LOC400499: variants seen among roughly 807,000 people sequenced by gnomAD.
At chr16:11,374,904 G>A in the LOC400499 span, among the ~76,000 whole-genome samples, 29 of 152,014 alleles carry the variant, frequency 1.9e-4, no homozygotes, top group African/African-American at 5.1e-4. Context: ...GCTGGAATGC[G>A]GTGGTGCGAT....
the LOC400499 span, chr16:11,448,062 G>A: frequency 9.8e-6 from 15 of 1,534,914 alleles, no homozygotes; most frequent in Non-Finnish European, 1.3e-5. Context: ...GCGACACCTG[G>A]GTCTTCCGGG....
At chr16:11,398,271 G>T in the LOC400499 span, 1 of 1,189,644 alleles carries the variant, frequency 8.4e-7, no homozygotes, top group Non-Finnish European at 1.1e-6. Context: ...TGCATTCTGC[G>T]GGCACCACCC....
chr16:11,525,816 T>C, the LOC400499 span, among the ~76,000 whole-genome samples: 3 of 152,192 alleles, frequency 2.0e-5, no homozygotes, highest in African/African-American at 7.2e-5. Context: ...ATTTAAAATA[T>C]TTTTTAAATT....
chr16:11,434,980 A>G, the LOC400499 span, among the ~76,000 whole-genome samples: 1 of 152,124 alleles, frequency 6.6e-6, no homozygotes, highest in Non-Finnish European at 1.5e-5. Context: ...CATGATTATT[A>G]TTATTACTAT....
At chr16:11,460,189 T>TAG in the LOC400499 span, 1 of 778,092 alleles carries the variant, frequency 1.3e-6, no homozygotes, top group Non-Finnish European at 1.8e-6. Flanking sequence ...CACTATTTTT[T>TAG]TTTAATTTAT....
At chr16:11,449,577 G>A in the LOC400499 span, among the ~76,000 whole-genome samples, 1 of 152,180 alleles carries the variant, frequency 6.6e-6, no homozygotes, top group African/African-American at 2.4e-5. Context: ...CCATGGGATG[G>A]TTCCCTGTTG....
chr16:11,413,046 A>G, the LOC400499 span: 1 of 397,730 alleles, frequency 2.5e-6, no homozygotes, highest in South Asian at 1.4e-4. Context: ...TCTATAGCCC[A>G]GCACGTCCCT....
At chr16:11,463,181 G>C in the LOC400499 span, among the ~76,000 whole-genome samples, 1 of 152,206 alleles carries the variant, frequency 6.6e-6, no homozygotes, top group African/African-American at 2.4e-5. Context: ...GCCCCGCAAA[G>C]AAGATTCTCT....
the LOC400499 span, among the ~76,000 whole-genome samples, chr16:11,460,786 C>G: frequency 2.0e-5 from 3 of 152,236 alleles, no homozygotes; most frequent in African/African-American, 7.2e-5. Flanking sequence ...GGGTGAATGT[C>G]TCCTCAACAG....
At chr16:11,400,560 C>G in the LOC400499 span, among the ~76,000 whole-genome samples, 1 of 152,184 alleles carries the variant, frequency 6.6e-6, no homozygotes, top group Non-Finnish European at 1.5e-5. Flanking sequence ...CCCGCCTCAG[C>G]CTCCCAAGCA....
chr16:11,506,106 G>A, the LOC400499 span, among the ~76,000 whole-genome samples: 2 of 151,868 alleles, frequency 1.3e-5, no homozygotes, highest in Non-Finnish European at 2.9e-5. Context: ...GAGTGATCTC[G>A]GCTCACTGTA....
the LOC400499 span, chr16:11,460,038 T>A: frequency 6.9e-7 from 1 of 1,454,400 alleles, no homozygotes; most frequent in Non-Finnish European, 9.1e-7. Flanking sequence ...CGAGTCCTCC[T>A]CATGCCAGAG....
At chr16:11,459,958 G>A in the LOC400499 span, 1 of 1,513,028 alleles carries the variant, frequency 6.6e-7, no homozygotes, top group Non-Finnish European at 8.8e-7. Flanking sequence ...CTGACACGGA[G>A]ATGCCTCTTG....
chr16:11,484,616 T>A, the LOC400499 span, among the ~76,000 whole-genome samples: 1 of 152,044 alleles, frequency 6.6e-6, no homozygotes, highest in South Asian at 2.1e-4. Context: ...GCTGGTGACA[T>A]GGGTGTATTG....
At chr16:11,526,758 T>A in the LOC400499 span, among the ~76,000 whole-genome samples, 916 of 152,216 alleles carry the variant, frequency 6.0e-3, 10 homozygotes, top group African/African-American at 0.021. Context: ...GTCGCCCAAG[T>A]TGGAGTGCAG....
the LOC400499 span, among the ~76,000 whole-genome samples, chr16:11,495,123 C>T: frequency 3.3e-5 from 5 of 151,948 alleles, no homozygotes; most frequent in African/African-American, 9.7e-5. Context: ...GCACAAGAAT[C>T]CCTTGAACCC....
the LOC400499 span, among the ~76,000 whole-genome samples, chr16:11,453,664 T>C: frequency 5.3e-5 from 8 of 150,980 alleles, no homozygotes; most frequent in African/African-American, 2.0e-4. Flanking sequence ...GACAAAGAAA[T>C]AGAACAAAAG....
At chr16:11,421,668 T>A in the LOC400499 span, among the ~76,000 whole-genome samples, 1 of 152,106 alleles carries the variant, frequency 6.6e-6, no homozygotes, top group Non-Finnish European at 1.5e-5. Context: ...CCTCCCAAAG[T>A]ATTGGGATAT....
the LOC400499 span, among the ~76,000 whole-genome samples, chr16:11,456,058 T>C: frequency 1.2e-4 from 18 of 151,602 alleles, no homozygotes; most frequent in Admixed American, 3.3e-4. Flanking sequence ...TTTTTTTTTT[T>C]CCTGAGGTGG....
Sources: gnomAD v4.1 joint callset for allele counts (sites outside exome capture counted in the v4.1 genomes callset) on GRCh38, gnomAD v4.1.1 for gene constraint, MANE v1.5 for transcripts.